KATNB1: variants seen among roughly 807,000 people sequenced by gnomAD.
KATNB1 encodes katanin p80 WD40 repeat-containing subunit B1.
In KATNB1, 38 loss-of-function variants were observed where a neutral mutation model predicts 82.3. The observed-to-expected ratio is 0.46, with a 90% CI of 0.36 to 0.61. KATNB1 has a LOEUF of 0.61. Ranked by LOEUF, KATNB1 falls within the 20% of genes least tolerant of loss-of-function variation. The pLI, the probability that KATNB1 is intolerant of heterozygous loss-of-function variation, is 0.00. For missense variants in KATNB1, 749 were observed against 915.7 expected (o/e 0.82, Z 2.35); for synonymous variants, 361 against 368.7 (o/e 0.98, Z 0.24).
At chr16:57,737,414 G>A (rs1423326665) in intron 2 of KATNB1, 131 bp downstream of exon 2, 3 of 990,574 alleles carry the variant, frequency 3.0e-6, no homozygotes, top group African/African-American at 3.2e-5. Flanking sequence ...GAGTAAGATA[G>A]ACCATTATGT....
intron 3 of KATNB1, 40 bp downstream of exon 3, chr16:57,741,857 T>C: frequency 6.3e-7 from 1 of 1,595,728 alleles, no homozygotes; most frequent in Non-Finnish European, 8.5e-7. Flanking sequence ...GACAAGGGCC[T>C]GGGGAGGGGA....
chr16:57,756,342 A>G lies in KATNB1; in HGVS notation c.1719-14A>G, dbSNP rs1555586412. 2 of 1,607,514 alleles carry G rather than the reference A, an allele frequency of 1.2e-6. No individual in the cohort carries two copies. The highest frequency in any genetic ancestry group is 1.7e-6 in the Non-Finnish European group (2 of 1,176,056). On this transcript the variant is annotated splice_polypyrimidine_tract_variant and intron_variant, in intron 18 of 19. Coordinates refer to ENST00000379661, the MANE Select transcript of KATNB1 (RefSeq NM_005886.3). ...CCTTGGTCCATCTGTGACTTCATCC[A>G]TCTCCCCCTAAAGCTACGTCCAGAC...
In KATNB1 at chr16:57,744,276, G is replaced by C. The variant is rs2049165886; in HGVS notation, c.172-118G>C. The C allele has an allele frequency of 1.2e-5, 10 of 839,692 alleles. No homozygotes were observed. The South Asian group carries it at 1.5e-4, about 13-fold the overall frequency. 52.0% of individuals were successfully genotyped at this position (839,692 alleles called of 1,614,324 possible). ...AGGGCTAGGCTGTGGCCCCCATGGG[G>C]CTCCCCCTCCTGCCTTAGCCATTTC... On this transcript the variant is annotated intron_variant, in intron 3 of 19. Transcript: ENST00000379661.
At chr16:57,755,727 A>AAGCCCC in intron 16 of KATNB1, 114 bp from the exon 17 acceptor site, 1 of 1,077,176 alleles carries the variant, frequency 9.3e-7, no homozygotes, top group Non-Finnish European at 1.3e-6. Context: ...TGCAGTGCTG[A>AAGCCCC]ATACCCACAG....
intron 2 of KATNB1, among the ~76,000 whole-genome samples, chr16:57,739,493 A>G (rs2049127189): frequency 6.6e-6 from 1 of 152,216 alleles, no homozygotes; most frequent in South Asian, 2.1e-4. Flanking sequence ...GCCTGCCAGT[A>G]GACACTGAGG....
chr16:57,747,795 G>A (rs1295179175), intron 4 of KATNB1, among the ~76,000 whole-genome samples: 1 of 152,230 alleles, frequency 6.6e-6, no homozygotes, highest in Admixed American at 6.5e-5. Context: ...GAAGGGAGAA[G>A]CCGAGGGCGC....
At chr16:57,740,286 G>A (rs1366935684) in intron 2 of KATNB1, among the ~76,000 whole-genome samples, 1 of 152,192 alleles carries the variant, frequency 6.6e-6, no homozygotes, top group South Asian at 2.1e-4. Flanking sequence ...GCTCTGCCCC[G>A]ACCGGCCCAG....
In KATNB1 at chr16:57,744,369, G is replaced by A. The variant is rs374559218; in HGVS notation, c.172-25G>A. The A allele has an allele frequency of 3.8e-5, 61 of 1,588,514 alleles. No homozygotes were observed. The African/African-American group carries it at 5.8e-4, about 15-fold the overall frequency. ...TGCAGGGGTCTGTCCAGCAGTGCAC[G>A]GAAGCTGCTGCTCTCTCTCCACAGA... On this transcript the variant is annotated intron_variant, in intron 3 of 19. Transcript: ENST00000379661.
intron 3 of KATNB1, among the ~76,000 whole-genome samples, chr16:57,743,031 G>A (rs2148790084): frequency 6.6e-6 from 1 of 152,308 alleles, no homozygotes; most frequent in South Asian, 2.1e-4. Flanking sequence ...AGTGGCTCAC[G>A]CCTGTAATCC....
chr16:57,746,881 TTTC>T (rs1404561517), intron 4 of KATNB1, among the ~76,000 whole-genome samples: 16 of 151,942 alleles, frequency 1.1e-4, no homozygotes, highest in African/African-American at 3.9e-4. Context: ...GCCTGATGCT[TTTC>T]TTTTCTTTTC....
intron 2 of KATNB1, among the ~76,000 whole-genome samples, chr16:57,740,374 T>G (rs959221690): frequency 3.9e-5 from 6 of 152,142 alleles, no homozygotes; most frequent in African/African-American, 1.4e-4. Context: ...GAGCCCAGGT[T>G]TCTGGCAAGC....
chr16:57,736,189 TAA>T (rs2049098086), intron 1 of KATNB1: 2 of 152,168 alleles, frequency 1.3e-5, no homozygotes, highest in African/African-American at 4.9e-5. Flanking sequence ...GAAAGGGCAG[TAA>T]CGGGAGTCTG....
At chr16:57,744,168 G>T (rs904444623) in intron 3 of KATNB1, among the ~76,000 whole-genome samples, 1 of 152,246 alleles carries the variant, frequency 6.6e-6, no homozygotes, top group Admixed American at 6.5e-5. Context: ...GAGGGAGGTG[G>T]TGGGGGGATG....
chr16:57,755,606 T>A (rs576195173), intron 16 of KATNB1, 112 bp downstream of exon 16: 1 of 1,390,700 alleles, frequency 7.2e-7, no homozygotes, highest in African/African-American at 1.4e-5. Flanking sequence ...CAGTGTGGGA[T>A]AGGCCATCCC....
At chr16:57,752,695 C>G in intron 9 of KATNB1, 83 bp from the exon 10 acceptor site, 1 of 1,560,900 alleles carries the variant, frequency 6.4e-7, no homozygotes, top group African/African-American at 1.3e-5. Context: ...CTGCGCCCTC[C>G]CTGCCCTGGG....
Position 57,757,125 on chromosome 16 carries a change from C to G in KATNB1, c.*179C>G. 1 of 558,592 alleles carries G rather than the reference C, an allele frequency of 1.8e-6. No individual in the cohort carries two copies. The highest frequency in any genetic ancestry group is 4.2e-5 in the Admixed American group (1 of 24,008). The allele number at this position is 558,592 out of a possible 1,614,324, so 34.6% of individuals were successfully genotyped here. On this transcript the variant is annotated 3_prime_UTR_variant, in exon 20 of 20. Coordinates refer to ENST00000379661, the MANE Select transcript of KATNB1 (RefSeq NM_005886.3). ...CCTCTACAGCCCTGAACTCTTGAGA[C>G]AACTCTCTCCAGCAATAGCTGCCCA...
In KATNB1 at chr16:57,756,370, G is replaced by A; in HGVS notation, c.1733G>A (p.Gly578Asp). Residue 578 changes from glycine to aspartate, a missense_variant, in exon 19 of 20, where the codon GGC (glycine) becomes GAC (aspartate). Physicochemically the swap from Gly to Asp is moderately conservative, Grantham distance 94. This residue lies in a region of KATNB1 where 95 missense variants were observed against 131.6 expected (regional missense o/e 0.72). Coordinates refer to ENST00000379661, the MANE Select transcript of KATNB1 (RefSeq NM_005886.3). ...QSKYESYVQT[G>D]CTSLKLILQR... ...TCCCCCTAAAGCTACGTCCAGACGG[G>A]CTGCACCTCCCTGAAGCTGATCCTG... is the stretch of plus-strand genomic sequence containing the variant. 6.2e-7 allele frequency: 1 copy of A among 1,613,974 alleles called. No individual in the cohort carries two copies. The highest frequency in any genetic ancestry group is 8.5e-7 in the Non-Finnish European group (1 of 1,179,992).
At position 57,750,878 on chromosome 16, in the gene KATNB1, A is replaced by G; in HGVS notation, c.341A>G (p.His114Arg). Residue 114 changes from histidine (H) to arginine (R), a missense_variant, in exon 5 of 20, where the codon CAC becomes CGC. Coordinates refer to ENST00000379661, the MANE Select transcript of KATNB1 (RefSeq NM_005886.3). ...HKANICSLDFHPYGEFVASGS... is the reference protein window; with the variant it reads ...HKANICSLDFRPYGEFVASGS... ...GCCAACATCTGCAGCCTGGATTTCCACCCGTACGGCGAGTTTGTAGCCTCT... is the reference window on the plus strand; with the variant it reads ...GCCAACATCTGCAGCCTGGATTTCCGCCCGTACGGCGAGTTTGTAGCCTCT... The G allele has an allele frequency of 6.2e-7, 1 of 1,614,002 alleles. No individual in the cohort carries two copies. The highest frequency in any genetic ancestry group is 2.2e-5 in the East Asian group (1 of 44,854).
intron 1 of KATNB1, chr16:57,736,663 G>A (rs2049102350): frequency 9.3e-6 from 2 of 214,962 alleles, no homozygotes; most frequent in African/African-American, 2.3e-5. Flanking sequence ...CGACTCGCAG[G>A]AAATCTATGT....
Sources: allele counts gnomAD v4.1 joint callset (sites outside exome capture counted in the v4.1 genomes callset), GRCh38; gene constraint gnomAD v4.1.1; regional missense constraint gnomAD v4.1.1; transcripts MANE v1.5; gene names NCBI Gene and HGNC (gene_info 2026-07-23, HGNC 2026-07-21).